GPR174: variants seen among roughly 807,000 people sequenced by gnomAD.
The protein encoded by GPR174 is probable G protein-coupled receptor 174.
GPR174 carries 8 observed loss-of-function variants against 16.5 expected under a neutral mutation model. The ratio of observed to expected loss-of-function variants is 0.48; its 90% CI spans 0.28 to 0.87. The LOEUF (loss-of-function observed/expected upper bound fraction) is 0.87. GPR174 is among the 40% of genes least tolerant of loss of function. GPR174 has a pLI of 0.09. For synonymous variants in GPR174, 111 were observed against 94.8 expected, an observed-to-expected ratio of 1.17 and a Z score of -0.99; for missense variants, 214 against 247.5, an observed-to-expected ratio of 0.86 and a Z score of 0.91.
In GPR174 at chrX:79,175,023, T is replaced by A. The variant is rs1318680599; in HGVS notation, c.*3014T>A. ...ATGTAGTGATTTCTATGTAAAAATA[T>A]TGTTATTATTATTATATTCAAATGG... On this transcript the variant is annotated 3_prime_UTR_variant, in exon 3 of 3. Coordinates refer to ENST00000645147, the MANE Select transcript of GPR174 (RefSeq NM_032553.3). 8.9e-6 allele frequency: 1 copy of A among 111,795 alleles called. No homozygotes were observed. Among genetic ancestry groups the A allele is most frequent in the Non-Finnish European group, 1.9e-5 (1 of 53,173 alleles). 9.2% of individuals were successfully genotyped at this position (111,795 alleles called of 1,213,427 possible).
At chrX:79,147,969 A>G (rs1363952172) in intron 1 of GPR174, among the ~76,000 whole-genome samples, 1 of 112,265 alleles carries the variant, frequency 8.9e-6, no homozygotes, top group African/African-American at 3.2e-5. Flanking sequence ...CAACAGCTGC[A>G]TTAGCAGCAG....
chrX:79,160,287 G>C (rs921540351), intron 2 of GPR174, among the ~76,000 whole-genome samples: 1 of 110,941 alleles, frequency 9.0e-6, no homozygotes, highest in Non-Finnish European at 1.9e-5. Flanking sequence ...AAAAATCAAA[G>C]ATTTGTCACC....
intron 1 of GPR174, among the ~76,000 whole-genome samples, chrX:79,151,386 G>T (rs780451716): frequency 9.0e-6 from 1 of 111,129 alleles, no homozygotes; most frequent in Non-Finnish European, 1.9e-5. Flanking sequence ...CATACAAAAA[G>T]ATGTGTATAT....
intron 2 of GPR174, among the ~76,000 whole-genome samples, chrX:79,162,261 A>T (rs1333073705): frequency 8.9e-6 from 1 of 111,741 alleles, no homozygotes; most frequent in East Asian, 2.8e-4. Context: ...GGAAATCCTA[A>T]TCAGTTCAAT....
Position 79,166,432 on chromosome X carries a change from C to CTTTTTTTTTTTTTTT in GPR174, c.-556-4008_-556-3994dup, listed in dbSNP as rs1174620976. Reference sequence around the variant, plus strand: ...GGATCTTTTTTTTCTTTTCTTTTTTCTTTTTTTTTTTTTTTTTTTTTTTTT... The same window carrying CTTTTTTTTTTTTTTT: ...GGATCTTTTTTTTCTTTTCTTTTTTCTTTTTTTTTTTTTTTTTTTTTTTTTTTTTTTTTTTTTTTT... On this transcript the variant is annotated intron_variant, in intron 2 of 2. Transcript: ENST00000645147. 4.1e-4 allele frequency among the ~76,000 whole-genome samples: 18 copies of CTTTTTTTTTTTTTTT among 43,623 alleles called. 1 individual carries two copies. Among genetic ancestry groups the CTTTTTTTTTTTTTTT allele is most frequent in the East Asian group, 1.7e-3 (2 of 1,181 alleles). 37.9% of individuals were successfully genotyped at this position (43,623 alleles called of 115,157 possible). A position where few individuals can be genotyped will look rare whatever the true frequency, so the allele number is the denominator to read the frequency against.
chrX:79,166,432 C>CTTTTTTTTTTTTTTTTTTTTTTTT lies in GPR174; in HGVS notation c.-556-4017_-556-3994dup, dbSNP rs1174620976. On this transcript the variant is annotated intron_variant, in intron 2 of 2. Coordinates refer to ENST00000645147, the MANE Select transcript of GPR174 (RefSeq NM_032553.3). The stretch of plus-strand genomic sequence containing the variant: ...GGATCTTTTTTTTCTTTTCTTTTTT[C>CTTTTTTTTTTTTTTTTTTTTTTTT]TTTTTTTTTTTTTTTTTTTTTTTTT... 4.8e-4 allele frequency among the ~76,000 whole-genome samples: 21 copies of CTTTTTTTTTTTTTTTTTTTTTTTT among 43,625 alleles called. 1 individual carries two copies. The highest frequency in any genetic ancestry group is 8.5e-4 in the East Asian group (1 of 1,181). 37.9% of individuals were successfully genotyped at this position (43,625 alleles called of 115,157 possible).
At position 79,145,004 on chromosome X, in the gene GPR174, C is replaced by CTTTCTTTCTT. The variant is rs200203561; in HGVS notation, c.-866_-865insTTCTTTCTTT. On this transcript the variant is annotated 5_prime_UTR_variant, in exon 1 of 3. Coordinates refer to ENST00000645147, the MANE Select transcript of GPR174 (RefSeq NM_032553.3). ...TTTCTTTCTTTCTTTCTCTCTCTCTCTCTTTCTTTCTTTCTTTCTTTCTTT... is the reference window on the plus strand; with the variant it reads ...TTTCTTTCTTTCTTTCTCTCTCTCTCTTTCTTTCTTTCTTTCTTTCTTTCTTTCTTTCTTT... 1.0e-4 allele frequency: 5 copies of CTTTCTTTCTT among 49,497 alleles called. No homozygotes were observed. Among genetic ancestry groups the CTTTCTTTCTT allele is most frequent in the East Asian group, 2.5e-3 (1 of 394 alleles). The allele number at this position is 49,497 out of a possible 1,213,427, so 4.1% of individuals were successfully genotyped here. A position where few individuals can be genotyped will look rare whatever the true frequency, so the allele number is the denominator to read the frequency against.
intron 2 of GPR174, among the ~76,000 whole-genome samples, chrX:79,163,554 G>A (rs1386689927): frequency 9.0e-6 from 1 of 111,592 alleles, no homozygotes; most frequent in Non-Finnish European, 1.9e-5. Context: ...AAGAAAAGAA[G>A]GGATAATATA....
chrX:79,158,003 C>A (rs1239562260), intron 2 of GPR174, among the ~76,000 whole-genome samples: 1 of 107,683 alleles, frequency 9.3e-6, no homozygotes, highest in Non-Finnish European at 1.9e-5. Context: ...GCGCACATAT[C>A]CCCTTCATGT....
chrX:79,157,673 A>G (rs773824670), intron 2 of GPR174, among the ~76,000 whole-genome samples: 1 of 111,768 alleles, frequency 8.9e-6, no homozygotes, highest in African/African-American at 3.2e-5. Flanking sequence ...GCAAATTTCT[A>G]TTTATTGATT....
intron 1 of GPR174, among the ~76,000 whole-genome samples, chrX:79,153,861 T>C (rs911842341): frequency 8.9e-6 from 1 of 112,033 alleles, no homozygotes; most frequent in African/African-American, 3.2e-5. Flanking sequence ...TAACTTGTTA[T>C]ATAACTCAGG....
intron 1 of GPR174, among the ~76,000 whole-genome samples, chrX:79,145,709 G>A (rs1238753487): frequency 9.0e-6 from 1 of 111,379 alleles, no homozygotes; most frequent in African/African-American, 3.3e-5. Context: ...AATATTTCAG[G>A]ACCTTAGCTA....
chrX:79,155,916 C>T (rs188839384), intron 1 of GPR174, among the ~76,000 whole-genome samples: 59 of 111,755 alleles, frequency 5.3e-4, no homozygotes, highest in African/African-American at 1.8e-3. Flanking sequence ...TTTGCTAACC[C>T]TTATGATCTG....
intron 2 of GPR174, among the ~76,000 whole-genome samples, chrX:79,161,524 T>C (rs1299919268): frequency 9.0e-6 from 1 of 111,676 alleles, no homozygotes. Context: ...TAGAAATAAA[T>C]AAATAGCAAG....
At chrX:79,157,085 G>A (rs1240314092) in intron 2 of GPR174, among the ~76,000 whole-genome samples, 167 bp downstream of exon 2, 2 of 111,848 alleles carry the variant, frequency 1.8e-5, no homozygotes. Flanking sequence ...TAGCAATCAA[G>A]ATATACAATC....
Position 79,171,682 on chromosome X carries a change from A to G in GPR174, c.675A>G (p.Lys225=), listed in dbSNP as rs754637631. 23 of 1,209,503 alleles carry G rather than the reference A, an allele frequency of 1.9e-5. 1 individual carries two copies. Among genetic ancestry groups the G allele is most frequent in the South Asian group, 1.2e-4 (7 of 56,804 alleles). ...KYPMAQDLGE[K]QKALKMILTC... is the part of the protein sequence containing the mutation. ...CCATGGCCCAAGATCTTGGAGAGAA[A>G]CAGAAAGCCTTGAAGATGATTCTAA... Residue 225 remains lysine (K), a synonymous_variant, in exon 3 of 3, where the codon AAA becomes AAG. Coordinates refer to ENST00000645147, the MANE Select transcript of GPR174 (RefSeq NM_032553.3).
chrX:79,167,996 C>G (rs1010992037), intron 2 of GPR174, among the ~76,000 whole-genome samples: 2 of 112,051 alleles, frequency 1.8e-5, no homozygotes, highest in Non-Finnish European at 3.8e-5. Context: ...TAGGGCAAAA[C>G]TGGTGAATTT....
intron 2 of GPR174, among the ~76,000 whole-genome samples, chrX:79,159,042 A>T (rs954635428): frequency 9.0e-6 from 1 of 110,876 alleles, no homozygotes; most frequent in African/African-American, 3.3e-5. Context: ...GAAAAATTTT[A>T]AAAGATTAAA....
rs1315587586 is a variant in GPR174 at position 79,171,244 on chromosome X, C to T, written c.237C>T (p.Tyr79=). 6.6e-6 allele frequency: 8 copies of T among 1,209,530 alleles called. No homozygotes were observed. Among genetic ancestry groups the T allele is most frequent in the Admixed American group, 2.2e-5 (1 of 45,755 alleles). ...CCTTGCCACTGAGGATCTTCTACTA[C>T]TTGAATCATGACTGGCCATTTGGGC... ...VLSLPLRIFY[Y]LNHDWPFGPG... The change falls in exon 3 of 3, where the codon TAC becomes TAT. Residue 79 remains tyrosine, a synonymous_variant. Transcript: ENST00000645147.
Sources: gnomAD v4.1 joint callset for allele counts (sites outside exome capture counted in the v4.1 genomes callset) on GRCh38, gnomAD v4.1.1 for gene constraint, MANE v1.5 for transcripts, NCBI Gene and HGNC (gene_info 2026-07-23, HGNC 2026-07-21) for gene names.